The following PPM1H variants were observed in gnomAD, a reference collection of about 807,000 sequenced individuals.
PPM1H encodes the protein protein phosphatase 1H.
Under a neutral mutation model 54.9 loss-of-function variants are expected in PPM1H, and 27 were observed. That is an observed-to-expected ratio of 0.49 (90% CI 0.36 to 0.68). PPM1H has a LOEUF of 0.68. Ranked by LOEUF, PPM1H falls within the 30% of genes least tolerant of loss-of-function variation. The pLI is 0.00. For synonymous variants in PPM1H, 305 were observed against 270.8 expected (o/e 1.13, Z -1.24); for missense variants, 596 against 667.8 (o/e 0.89, Z 1.19).
At chr12:62,740,945 T>C (rs2120537878) in intron 4 of PPM1H, among the ~76,000 whole-genome samples, 1 of 152,342 alleles carries the variant, frequency 6.6e-6, no homozygotes, top group South Asian at 2.1e-4. Context: ...CATATGCTGG[T>C]GAGTCCAGAC....
At chr12:62,784,227 A>G (rs772627678) in intron 4 of PPM1H, among the ~76,000 whole-genome samples, 16 of 152,178 alleles carry the variant, frequency 1.1e-4, no homozygotes, top group South Asian at 4.1e-4. Context: ...ACCAGACCAC[A>G]TGGATCAGGT....
At chr12:62,927,043 C>T (rs908939871) in intron 1 of PPM1H, among the ~76,000 whole-genome samples, 2 of 152,160 alleles carry the variant, frequency 1.3e-5, no homozygotes, top group African/African-American at 2.4e-5. Context: ...TCATTTTCTT[C>T]AATAATCAAA....
At chr12:62,839,145 G>A (rs893113366) in intron 1 of PPM1H, among the ~76,000 whole-genome samples, 2 of 152,042 alleles carry the variant, frequency 1.3e-5, no homozygotes, top group Non-Finnish European at 2.9e-5. Context: ...GTGTGGCTGG[G>A]CAGTCTAAGT....
chr12:62,769,826 C>T (rs983605034), intron 4 of PPM1H, among the ~76,000 whole-genome samples: 1 of 152,072 alleles, frequency 6.6e-6, no homozygotes, highest in Admixed American at 6.6e-5. Flanking sequence ...AATTTGAGGG[C>T]TTCAACATTT....
intron 1 of PPM1H, among the ~76,000 whole-genome samples, chr12:62,930,036 A>G (rs1437721294): frequency 2.6e-5 from 4 of 152,122 alleles, no homozygotes; most frequent in Non-Finnish European, 5.9e-5. Flanking sequence ...AGGCCAGGGG[A>G]TTTCCGAGCT....
intron 8 of PPM1H, among the ~76,000 whole-genome samples, chr12:62,674,184 A>G (rs771635992): frequency 6.6e-6 from 1 of 152,242 alleles, no homozygotes; most frequent in Non-Finnish European, 1.5e-5. Flanking sequence ...TCTCAGGGCA[A>G]CCACATCTGA....
chr12:62,712,887 G>T (rs368021890), intron 6 of PPM1H, among the ~76,000 whole-genome samples: 1 of 152,182 alleles, frequency 6.6e-6, no homozygotes, highest in Non-Finnish European at 1.5e-5. Flanking sequence ...CTGTAACAGG[G>T]CTTCTGTGCT....
At chr12:62,865,416 C>T (rs1738902869) in intron 1 of PPM1H, among the ~76,000 whole-genome samples, 1 of 152,288 alleles carries the variant, frequency 6.6e-6, no homozygotes, top group Non-Finnish European at 1.5e-5. Flanking sequence ...CTCCACATGC[C>T]CTTCAGGGTT....
chr12:62,650,693 C>T (rs369230092), intron 9 of PPM1H, among the ~76,000 whole-genome samples: 12 of 152,108 alleles, frequency 7.9e-5, no homozygotes, highest in South Asian at 2.1e-4. Flanking sequence ...GAAGGTGAAG[C>T]GAGGCATGTC....
chr12:62,823,745 A>C (rs999194855), intron 2 of PPM1H, among the ~76,000 whole-genome samples: 14 of 152,236 alleles, frequency 9.2e-5, no homozygotes, highest in Non-Finnish European at 1.8e-4. Context: ...GATGTAACTT[A>C]TCTCAAAATA....
At chr12:62,661,945 C>T (rs1033272881) in intron 9 of PPM1H, among the ~76,000 whole-genome samples, 1 of 150,806 alleles carries the variant, frequency 6.6e-6, no homozygotes, top group African/African-American at 2.5e-5. Flanking sequence ...TTCATTCATC[C>T]ATCTGATATA....
chr12:62,694,200 T>C (rs1194112613), intron 6 of PPM1H, among the ~76,000 whole-genome samples: 3 of 152,150 alleles, frequency 2.0e-5, no homozygotes, highest in Non-Finnish European at 1.5e-5. Context: ...ACTGTCTTTA[T>C]ATGCTTGAAG....
intron 4 of PPM1H, among the ~76,000 whole-genome samples, chr12:62,750,224 T>A (rs2076434830): frequency 6.6e-6 from 1 of 152,222 alleles, no homozygotes; most frequent in Non-Finnish European, 1.5e-5. Context: ...TCCAGGACAT[T>A]TTCAAAATCT....
At chr12:62,852,062 C>T (rs1286368451) in intron 1 of PPM1H, among the ~76,000 whole-genome samples, 1 of 151,588 alleles carries the variant, frequency 6.6e-6, no homozygotes, top group Non-Finnish European at 1.5e-5. Flanking sequence ...AACCCTGTCT[C>T]TACTAAAAAT....
intron 9 of PPM1H, among the ~76,000 whole-genome samples, chr12:62,650,774 AACTC>A (rs373607375): frequency 4.6e-5 from 7 of 152,048 alleles, no homozygotes; most frequent in Non-Finnish European, 1.0e-4. Context: ...ATCTCGTAAG[AACTC>A]ACTCACTCAC....
chr12:62,831,417 A>T (rs1416872940), intron 2 of PPM1H, among the ~76,000 whole-genome samples: 10 of 152,106 alleles, frequency 6.6e-5, no homozygotes, highest in Non-Finnish European at 2.9e-5. Flanking sequence ...ATTCCCCAGA[A>T]ACTGGAGACA....
intron 1 of PPM1H, among the ~76,000 whole-genome samples, chr12:62,888,719 A>C (rs1481409233): frequency 1.3e-5 from 2 of 152,188 alleles, no homozygotes; most frequent in African/African-American, 4.8e-5. Flanking sequence ...AGTCTGGATA[A>C]GGGTCGGGGA....
At chr12:62,711,239 G>A (rs1361024063) in intron 6 of PPM1H, among the ~76,000 whole-genome samples, 10 of 152,162 alleles carry the variant, frequency 6.6e-5, no homozygotes, top group African/African-American at 1.2e-4. Flanking sequence ...GGATCCACCC[G>A]CTTCAGCCTC....
chr12:62,650,864 AG>A (rs1172393604), intron 9 of PPM1H, among the ~76,000 whole-genome samples: 3 of 152,168 alleles, frequency 2.0e-5, no homozygotes, highest in Non-Finnish European at 2.9e-5. Flanking sequence ...CCTGACATGT[AG>A]GGATTACAAT....
Sources: gnomAD v4.1 joint callset for allele counts (sites outside exome capture counted in the v4.1 genomes callset) on GRCh38, gnomAD v4.1.1 for gene constraint, MANE v1.5 for transcripts, NCBI Gene and HGNC (gene_info 2026-07-23, HGNC 2026-07-21) for gene names.